FGF14: variants seen among roughly 807,000 people sequenced by gnomAD.
FGF14 encodes the protein fibroblast growth factor homologous factor 4.
FGF14 carries 5 observed loss-of-function variants against 25.5 expected under a neutral mutation model. That is an observed-to-expected ratio of 0.20 (90% CI 0.10 to 0.41). FGF14 has a LOEUF of 0.41. FGF14 is among the 10% of genes least tolerant of loss of function. The probability of loss-of-function intolerance (pLI) is 1.00; values close to 1 mark genes in which losing one functional copy is unlikely to be tolerated. For missense variants in FGF14, 222 were observed against 320.1 expected (o/e 0.69, Z 2.34); for synonymous variants, 138 against 118.3 (o/e 1.17, Z -1.08).
At chr13:101,917,409 G>A (rs1489368576), upstream of FGF14, among the ~76,000 whole-genome samples, 1 of 152,156 alleles carries the variant, frequency 6.6e-6, no homozygotes, top group African/African-American at 2.4e-5. Context: ...ATGGATTGCA[G>A]GGATGGGGTG....
intron 3 of FGF14, among the ~76,000 whole-genome samples, chr13:101,849,560 G>A (rs73563207): frequency 0.082 from 12,432 of 151,990 alleles, 1,752 homozygotes; most frequent in African/African-American, 0.28. Context: ...CAATGAATAC[G>A]TTAATGATAT....
intron 1 of FGF14, among the ~76,000 whole-genome samples, chr13:101,909,226 C>A (rs556909591): frequency 2.6e-5 from 4 of 152,192 alleles, no homozygotes; most frequent in Non-Finnish European, 4.4e-5. Flanking sequence ...GCAACAAAAG[C>A]CAAAATTGAC....
At chr13:102,197,599 A>C (rs1448686773) in intron 1 of FGF14, among the ~76,000 whole-genome samples, 1 of 151,882 alleles carries the variant, frequency 6.6e-6, no homozygotes, top group Non-Finnish European at 1.5e-5. Flanking sequence ...ATGCATAAAT[A>C]ATTATATATT....
At chr13:102,202,553 A>C (rs778730603) in intron 1 of FGF14, among the ~76,000 whole-genome samples, 4 of 152,208 alleles carry the variant, frequency 2.6e-5, no homozygotes, top group Non-Finnish European at 5.9e-5. Context: ...ACGCCAGATG[A>C]TATCCTGCTG....
rs1464708339 is a variant in FGF14 at position 101,720,569 on chromosome 13, TGTG to T, written c.*2259_*2261del. The T allele has an allele frequency of 2.0e-5, 3 of 151,042 alleles. No individual in the cohort carries two copies. Among genetic ancestry groups the T allele is most frequent in the African/African-American group, 7.3e-5 (3 of 40,834 alleles). The allele number at this position is 151,042 out of a possible 1,614,324, so 9.4% of individuals were successfully genotyped here. A position where few individuals can be genotyped will look rare whatever the true frequency, so the allele number is the denominator to read the frequency against. On this transcript the variant is annotated 3_prime_UTR_variant, in exon 5 of 5. Coordinates refer to ENST00000376143, the MANE Select transcript of FGF14 (RefSeq NM_004115.4). ...GTGTGTGTGTGTGTGTGTGTGTATATGTGTGTGTTTGTGTGAAGTGAAGTGTTG... is the reference window on the plus strand; with the variant it reads ...GTGTGTGTGTGTGTGTGTGTGTATATTGTGTTTGTGTGAAGTGAAGTGTTG...
At chr13:102,360,132 A>T (rs1403055604) in intron 1 of FGF14, among the ~76,000 whole-genome samples, 1 of 152,222 alleles carries the variant, frequency 6.6e-6, no homozygotes, top group Non-Finnish European at 1.5e-5. Flanking sequence ...CTTATTAAGC[A>T]ATAATTAATA....
chr13:102,004,356 G>A (rs1230320427), intron 1 of FGF14, among the ~76,000 whole-genome samples: 1 of 152,156 alleles, frequency 6.6e-6, no homozygotes, highest in Non-Finnish European at 1.5e-5. Flanking sequence ...TGTTTCATCA[G>A]ACCAGACTGG....
chr13:102,082,383 A>C (rs114324344), intron 1 of FGF14, among the ~76,000 whole-genome samples: 1,668 of 152,322 alleles, frequency 0.011, 26 homozygotes, highest in African/African-American at 0.038. Context: ...TGATAACATA[A>C]TATAGAACTG....
Position 101,722,579 on chromosome 13 carries a change from T to C in FGF14, c.*252A>G, listed in dbSNP as rs1299093565. On this transcript the variant is annotated 3_prime_UTR_variant, in exon 5 of 5. Coordinates refer to ENST00000376143, the MANE Select transcript of FGF14 (RefSeq NM_004115.4). The stretch of plus-strand genomic sequence containing the variant: ...AAGTGTCACAGTCACAGAAAAGATA[T>C]TAAAAAGGCATTCCATATCTGGTAG... The C allele has an allele frequency of 7.5e-6, 4 of 531,726 alleles. No homozygotes were observed. The highest frequency in any genetic ancestry group is 6.3e-5 in the Admixed American group (2 of 31,908). The allele number at this position is 531,726 out of a possible 1,614,324, so 32.9% of individuals were successfully genotyped here. A position where few individuals can be genotyped will look rare whatever the true frequency, so the allele number is the denominator to read the frequency against.
At chr13:102,133,500 A>G (rs1298873086) in intron 1 of FGF14, among the ~76,000 whole-genome samples, 1 of 152,240 alleles carries the variant, frequency 6.6e-6, no homozygotes. Context: ...GACTAAATAT[A>G]TGGTAAAGAT....
intron 1 of FGF14, among the ~76,000 whole-genome samples, chr13:102,175,385 C>T (rs1474717788): frequency 1.3e-5 from 2 of 152,024 alleles, no homozygotes; most frequent in African/African-American, 2.4e-5. Context: ...AACTAGCTAG[C>T]TATACATAGA....
intron 1 of FGF14, among the ~76,000 whole-genome samples, chr13:102,343,147 G>T (rs564512598): frequency 1.5e-4 from 23 of 152,192 alleles, no homozygotes; most frequent in African/African-American, 5.1e-4. Flanking sequence ...GCCTATCCAC[G>T]CAGAGATAAT....
chr13:101,769,725 G>A (rs1316940160), intron 3 of FGF14, among the ~76,000 whole-genome samples: 1 of 152,132 alleles, frequency 6.6e-6, no homozygotes, highest in Non-Finnish European at 1.5e-5. Flanking sequence ...CATACCACAT[G>A]ATTCCAACTG....
At chr13:101,753,633 C>T (rs1050092246) in intron 3 of FGF14, among the ~76,000 whole-genome samples, 4 of 151,964 alleles carry the variant, frequency 2.6e-5, no homozygotes, top group African/African-American at 4.8e-5. Context: ...GGAGAAACCC[C>T]GTCTCTACTA....
chr13:102,336,756 G>T (rs902060945), intron 1 of FGF14, among the ~76,000 whole-genome samples: 7 of 152,268 alleles, frequency 4.6e-5, no homozygotes, highest in African/African-American at 1.4e-4. Flanking sequence ...TGCAGCTGGC[G>T]ATATGAAGTT....
At chr13:102,306,016 G>T (rs1339336496) in intron 1 of FGF14, among the ~76,000 whole-genome samples, 1 of 152,144 alleles carries the variant, frequency 6.6e-6, no homozygotes, top group East Asian at 1.9e-4. Context: ...AAAGCATTTA[G>T]CATTCATCCC....
chr13:101,968,128 CCT>C (rs1442719919), intron 1 of FGF14, among the ~76,000 whole-genome samples: 2 of 152,108 alleles, frequency 1.3e-5, no homozygotes, highest in African/African-American at 2.4e-5. Context: ...CTACAACCAA[CCT>C]CTGTTACTCA....
At chr13:101,984,098 T>C (rs1467520598) in intron 1 of FGF14, among the ~76,000 whole-genome samples, 1 of 152,180 alleles carries the variant, frequency 6.6e-6, no homozygotes, top group Non-Finnish European at 1.5e-5. Context: ...ACCTTCCTGT[T>C]GCCACTGCTG....
intron 1 of FGF14, among the ~76,000 whole-genome samples, chr13:102,104,807 T>C (rs2044827340): frequency 6.6e-6 from 1 of 151,728 alleles, no homozygotes; most frequent in South Asian, 2.1e-4. Context: ...AAACAAAAAG[T>C]CTTAGGAGAA....
Sources: allele counts gnomAD v4.1 joint callset (sites outside exome capture counted in the v4.1 genomes callset), GRCh38; gene constraint gnomAD v4.1.1; transcripts MANE v1.5; gene names NCBI Gene and HGNC (gene_info 2026-07-23, HGNC 2026-07-21).